Variants in SBF2 observed in about 807,000 individuals in gnomAD.
The protein encoded by SBF2 is SET binding factor 2.
Under a neutral mutation model 225.2 loss-of-function variants are expected in SBF2, and 112 were observed. The ratio of observed to expected loss-of-function variants is 0.50; its 90% CI spans 0.43 to 0.58. The LOEUF is 0.58. Ranked by LOEUF, SBF2 falls within the 20% of genes least tolerant of loss-of-function variation. The probability of loss-of-function intolerance (pLI) is 0.00; values close to 1 mark genes in which losing one functional copy is unlikely to be tolerated. For missense variants in SBF2, 1,996 were observed against 2,206.2 expected (o/e 0.90, Z 1.91); for synonymous variants, 763 against 773.3 (o/e 0.99, Z 0.22).
At position 10,261,525 on chromosome 11, in the gene SBF2, C is replaced by T. The variant is rs575437436; in HGVS notation, c.55+32490G>A. 3.8e-4 allele frequency among the ~76,000 whole-genome samples: 58 copies of T among 152,100 alleles called. 1 individual carries two copies. Among genetic ancestry groups the T allele is most frequent in the Non-Finnish European group, 7.3e-5 (5 of 68,028 alleles). ...GCCAACTGCAATTCTCATACATTGT[C>T]GGTGGAGACATAAGATGGTATACCA... is the stretch of plus-strand genomic sequence containing the variant. On this transcript the variant is annotated intron_variant, in intron 1 of 39. Transcript: ENST00000256190.
intron 1 of SBF2, among the ~76,000 whole-genome samples, chr11:10,205,529 C>T (rs1957723624): frequency 6.6e-6 from 1 of 151,810 alleles, no homozygotes; most frequent in Admixed American, 6.6e-5. Flanking sequence ...GAAGGCAACC[C>T]AGGCCTAGCA....
At chr11:10,093,970 A>C (rs974066920) in intron 2 of SBF2, among the ~76,000 whole-genome samples, 3 of 152,240 alleles carry the variant, frequency 2.0e-5, no homozygotes, top group African/African-American at 7.2e-5. Context: ...AAATACAAAC[A>C]AGGATATTTG....
chr11:10,154,351 A>T (rs1239663519), intron 2 of SBF2, among the ~76,000 whole-genome samples: 1 of 152,098 alleles, frequency 6.6e-6, no homozygotes, highest in Non-Finnish European at 1.5e-5. Context: ...TTATTTTTTT[A>T]AGAAAATCCC....
At chr11:9,896,080 C>A in intron 16 of SBF2, 69 bp from the exon 17 acceptor site, 1 of 1,173,402 alleles carries the variant, frequency 8.5e-7, no homozygotes, top group South Asian at 1.2e-5. Flanking sequence ...TGCGAACTAA[C>A]ATCTGGGATA....
chr11:9,865,787 T>C (rs1382619732), intron 17 of SBF2, among the ~76,000 whole-genome samples: 1 of 142,808 alleles, frequency 7.0e-6, no homozygotes, highest in Admixed American at 7.3e-5. Context: ...TGATAGGGAG[T>C]GACAGAGCCA....
chr11:10,173,535 T>G (rs1328018355), intron 2 of SBF2, among the ~76,000 whole-genome samples: 2 of 152,198 alleles, frequency 1.3e-5, no homozygotes, highest in African/African-American at 2.4e-5. Flanking sequence ...CGCTGATTGC[T>G]AGCACAGCAG....
rs1060499999 is a variant in SBF2 at position 9,787,633 on chromosome 11, C to T, written c.5037+1G>A. On this transcript the variant is annotated splice_donor_variant, in intron 36 of 39. Transcript: ENST00000256190. LOFTEE classifies it high-confidence loss of function. ...GCTCTCAAGGGGCATTGCCAACTCA[C>T]GCGATCTGTTCTTGGTTCTTCTTTA... is the stretch of plus-strand genomic sequence containing the variant. 5 of 1,613,654 alleles carry T rather than the reference C, an allele frequency of 3.1e-6. No homozygotes were observed. The highest frequency in any genetic ancestry group is 4.2e-6 in the Non-Finnish European group (5 of 1,179,542).
chr11:9,911,598 T>G (rs542214954), intron 16 of SBF2, among the ~76,000 whole-genome samples: 8 of 152,280 alleles, frequency 5.3e-5, no homozygotes, highest in Non-Finnish European at 1.0e-4. Flanking sequence ...GTAGTCTAAA[T>G]GTAAAGTGTT....
At chr11:10,076,983 A>G (rs1010991436) in intron 2 of SBF2, among the ~76,000 whole-genome samples, 1 of 151,910 alleles carries the variant, frequency 6.6e-6, no homozygotes, top group Non-Finnish European at 1.5e-5. Flanking sequence ...TCCATCACCT[A>G]AGACATCAGA....
At chr11:9,839,369 C>A in intron 26 of SBF2, 129 bp downstream of exon 26, 1 of 916,266 alleles carries the variant, frequency 1.1e-6, no homozygotes, top group African/African-American at 1.6e-5. Context: ...TGCTCGTATC[C>A]TGGAGACCTT....
chr11:10,227,855 A>C (rs1375913466), intron 1 of SBF2, among the ~76,000 whole-genome samples: 3 of 151,656 alleles, frequency 2.0e-5, no homozygotes, highest in Non-Finnish European at 4.4e-5. Flanking sequence ...CAATTCTGTG[A>C]AGAAAGTCAT....
At chr11:10,220,482 T>C (rs140558700) in intron 1 of SBF2, among the ~76,000 whole-genome samples, 59 of 152,312 alleles carry the variant, frequency 3.9e-4, no homozygotes, top group African/African-American at 7.2e-5. Flanking sequence ...ATAGCTTCTA[T>C]TGCTAAATTC....
chr11:10,050,360 C>G (rs1396551778), intron 2 of SBF2, among the ~76,000 whole-genome samples: 1 of 152,044 alleles, frequency 6.6e-6, no homozygotes, highest in East Asian at 1.9e-4. Context: ...TGTTCAAGAT[C>G]CCACAGTGGT....
At chr11:10,037,616 T>A (rs902824984) in intron 3 of SBF2, among the ~76,000 whole-genome samples, 21 of 150,936 alleles carry the variant, frequency 1.4e-4, no homozygotes, top group African/African-American at 5.1e-4. Context: ...TATGGTCAAC[T>A]AGTGTACAGC....
chr11:10,105,247 C>A (rs2134986184), intron 2 of SBF2, among the ~76,000 whole-genome samples: 1 of 152,182 alleles, frequency 6.6e-6, no homozygotes, highest in African/African-American at 2.4e-5. Flanking sequence ...CCTGCAAAAG[C>A]CAGTCTTAGG....
intron 1 of SBF2, among the ~76,000 whole-genome samples, chr11:10,230,501 GC>G (rs1958795424): frequency 6.6e-6 from 1 of 152,136 alleles, no homozygotes; most frequent in African/African-American, 2.4e-5. Flanking sequence ...TTTAGGGCAG[GC>G]CTGGTGGCGA....
chr11:10,251,183 T>G (rs1039240191), intron 1 of SBF2, among the ~76,000 whole-genome samples: 1 of 152,220 alleles, frequency 6.6e-6, no homozygotes, highest in Admixed American at 6.5e-5. Context: ...GAAACCTTAA[T>G]GGTACATATG....
chr11:10,110,194 T>C (rs1223168374), intron 2 of SBF2, among the ~76,000 whole-genome samples: 1 of 152,208 alleles, frequency 6.6e-6, no homozygotes, highest in Non-Finnish European at 1.5e-5. Context: ...AAGGAAATCC[T>C]ACAAATCTTG....
intron 17 of SBF2, among the ~76,000 whole-genome samples, chr11:9,873,786 C>T (rs748807975): frequency 1.3e-5 from 2 of 152,190 alleles, no homozygotes; most frequent in Non-Finnish European, 2.9e-5. Context: ...CGGTGGCTCA[C>T]GCCTGTAATC....
Sources: allele counts gnomAD v4.1 joint callset (sites outside exome capture counted in the v4.1 genomes callset), GRCh38; gene constraint gnomAD v4.1.1; transcripts MANE v1.5; gene names NCBI Gene and HGNC (gene_info 2026-07-23, HGNC 2026-07-21).